MPO: variants seen among roughly 807,000 people sequenced by gnomAD.
MPO encodes myeloperoxidase.
A neutral mutation model predicts 69.4 loss-of-function variants in MPO; 57 were observed. The observed-to-expected ratio is 0.82, with a 90% CI of 0.66 to 1.02. The LOEUF (loss-of-function observed/expected upper bound fraction) is 1.02, where lower values mean the gene tolerates loss of function less well. Ranked by LOEUF, MPO falls within the 50% of genes least tolerant of loss-of-function variation. The pLI is 0.00. For missense variants in MPO, 971 were observed against 1,014.1 expected (o/e 0.96, Z 0.58); for synonymous variants, 426 against 417.1 (o/e 1.02, Z -0.26).
At chr17:58,274,018 C>T (rs143405620) in intron 8 of MPO, among the ~76,000 whole-genome samples, 1 of 152,284 alleles carries the variant, frequency 6.6e-6, no homozygotes, top group Non-Finnish European at 1.5e-5. Context: ...CTTCCTTGTC[C>T]TCAAGTTATT....
At chr17:58,271,017 T>C (rs546441668) in intron 11 of MPO, among the ~76,000 whole-genome samples, 154 bp from the exon 12 acceptor site, 2 of 152,234 alleles carry the variant, frequency 1.3e-5, no homozygotes, top group Non-Finnish European at 1.5e-5. Flanking sequence ...GCCCAGGGGC[T>C]TTCACACAAG....
chr17:58,274,201 T>C (rs1380742792), intron 8 of MPO: 1 of 499,184 alleles, frequency 2.0e-6, no homozygotes, highest in Non-Finnish European at 4.0e-6. Context: ...TGATTTTCCC[T>C]GTGAAAAGTG....
At chr17:58,271,946 G>A in intron 10 of MPO, 54 bp from the exon 11 acceptor site, 1 of 1,578,976 alleles carries the variant, frequency 6.3e-7, no homozygotes, top group Non-Finnish European at 8.7e-7. Context: ...CTTCAAGGTG[G>A]GGAGGTCACT....
At chr17:58,272,974 G>A in intron 9 of MPO, 56 bp from the exon 10 acceptor site, 1 of 1,602,556 alleles carries the variant, frequency 6.2e-7, no homozygotes, top group Non-Finnish European at 8.5e-7. Context: ...TCAGAGCTCA[G>A]ATTGGAGTCA....
chr17:58,275,535 G>C lies in MPO; in HGVS notation c.1365+7C>G, dbSNP rs182011210. 7.5e-4 allele frequency: 1,217 copies of C among 1,614,100 alleles called. 12 individuals carry two copies. The Admixed American group carries it at 0.019, about 25-fold the overall frequency. ...ATCCCGTGTGCCCGGTGTTCAAGAC[G>C]GCCTACCTGGACCATGGCCCCCACG... On this transcript the variant is annotated splice_region_variant and intron_variant, in intron 8 of 11. Transcript: ENST00000225275. This position sits in a 1 kb window ranked among gnomAD's most constrained non-coding sequence, Gnocchi z 4.1.
At chr17:58,272,616 T>C in intron 10 of MPO, 132 bp downstream of exon 10, 1 of 1,084,220 alleles carries the variant, frequency 9.2e-7, no homozygotes, top group Non-Finnish European at 1.3e-6. Flanking sequence ...CTCAGGCTAC[T>C]TCCTGAGAGC....
intron 11 of MPO, among the ~76,000 whole-genome samples, chr17:58,271,117 G>A (rs1970360319): frequency 6.6e-6 from 1 of 152,164 alleles, no homozygotes; most frequent in African/African-American, 2.4e-5. Flanking sequence ...GCACCATGCT[G>A]GAGGGGGACC....
Position 58,280,358 on chromosome 17 carries a change from T to C in MPO, c.248+8A>G. The C allele has an allele frequency of 6.2e-7, 1 of 1,613,596 alleles. No individual in the cohort carries two copies. The highest frequency in any genetic ancestry group is 8.5e-7 in the Non-Finnish European group (1 of 1,179,704). ...TTGCCCAGAGCTGGGCAGTGCCTCG[T>C]GCCCCACCTTTCCCGCCGCTCCTTG... On this transcript the variant is annotated splice_region_variant and intron_variant, in intron 2 of 11. Coordinates refer to ENST00000225275, the MANE Select transcript of MPO (RefSeq NM_000250.2).
intron 8 of MPO, chr17:58,274,145 T>C (rs1236503545): frequency 4.1e-6 from 2 of 490,022 alleles, no homozygotes; most frequent in Non-Finnish European, 8.2e-6. Context: ...CAGTTTAGGT[T>C]TGTGGAAAGC....
At position 58,271,820 on chromosome 17, in the gene MPO, C is replaced by T. The variant is rs1034828286; in HGVS notation, c.1865G>A (p.Arg622Lys). The part of the protein sequence containing the change: ...ETVGQLGTVL[R>K]NLKLARKLME... ...CAGTTTCCTCGCCAATTTCAGGTTC[C>T]TCAGCACCGTGCCCAGCTGGCCCAC... The change falls in exon 11 of 12, where the codon AGG becomes AAG. Residue 622 changes from arginine to lysine, a missense_variant. Coordinates refer to ENST00000225275, the MANE Select transcript of MPO (RefSeq NM_000250.2). 2 of 1,614,208 alleles carry T rather than the reference C, an allele frequency of 1.2e-6. No individual in the cohort carries two copies. The highest frequency in any genetic ancestry group is 1.7e-6 in the Non-Finnish European group (2 of 1,180,048).
intron 7 of MPO, among the ~76,000 whole-genome samples, chr17:58,277,300 A>G (rs566962659): frequency 6.6e-6 from 1 of 152,222 alleles, no homozygotes; most frequent in Admixed American, 6.5e-5. Context: ...AATATTTTAC[A>G]TCTGTGCCAC....
chr17:58,273,120 A>G (rs1266762265), intron 9 of MPO, among the ~76,000 whole-genome samples: 1 of 152,128 alleles, frequency 6.6e-6, no homozygotes, highest in African/African-American at 2.4e-5. Flanking sequence ...AGGTCTCAGG[A>G]GATTATGCCA....
At chr17:58,272,666 A>G in intron 10 of MPO, 82 bp downstream of exon 10, 3 of 1,509,272 alleles carry the variant, frequency 2.0e-6, no homozygotes, top group Non-Finnish European at 2.7e-6. Flanking sequence ...CAGGGACCCT[A>G]GAGTGGGAAG....
rs756405899 is a variant in MPO, at chr17:58,279,475, G to T, written c.548+48C>A. Reference sequence around the variant, plus strand: ...ACACCGGGAGGCTTGTGGCGTCCGGGACGCCTCTCTGAGCCCGGTTCCTGC... The same window carrying T: ...ACACCGGGAGGCTTGTGGCGTCCGGTACGCCTCTCTGAGCCCGGTTCCTGC... On this transcript the variant is annotated intron_variant, in intron 4 of 11. Transcript: ENST00000225275. The T allele has an allele frequency of 9.3e-6, 15 of 1,612,410 alleles. No individual in the cohort carries two copies. In the South Asian group the frequency reaches 1.6e-4, roughly 18 times the overall value.
rs765375548 is a variant in MPO, at chr17:58,278,071, G to A, written c.960C>T (p.Pro320=). 3.7e-6 allele frequency: 6 copies of A among 1,611,684 alleles called. No homozygotes were observed. Among genetic ancestry groups the A allele is most frequent in the Middle Eastern group, 3.3e-4 (2 of 6,062 alleles). The stretch of plus-strand genomic sequence containing the variant: ...GGTTGCGGATGGTGATGTTGCTCCC[G>A]GGGCAAGCCGGGCAGGAGCGGAAGA... ...IPFFRSCPAC[P]GSNITIRNQI... The change falls in exon 7 of 12, where the codon CCC becomes CCT. Residue 320 remains proline (P), a synonymous_variant. Coordinates refer to ENST00000225275, the MANE Select transcript of MPO (RefSeq NM_000250.2).
chr17:58,272,673 G>A (rs1970381541), intron 10 of MPO, 75 bp downstream of exon 10: 1 of 1,539,124 alleles, frequency 6.5e-7, no homozygotes. Flanking sequence ...CCTAGAGTGG[G>A]AAGGGGGGTG....
chr17:58,274,303 A>G (rs1970407082), intron 8 of MPO: 13 of 453,662 alleles, frequency 2.9e-5, no homozygotes, highest in Non-Finnish European at 5.8e-5. Flanking sequence ...TGCAAATCAA[A>G]AACTCACCCT....
Position 58,270,964 on chromosome 17 carries a change from A to C in MPO, c.2031-101T>G. On this transcript the variant is annotated intron_variant, in intron 11 of 11. Transcript: ENST00000225275. The surrounding 1 kb of genome is among the most constrained non-coding windows in gnomAD (Gnocchi z 4.1). ...TCCCAGGATATAACAAAGCCACAACAAATGCCACCTGGAAGCACAGGAGGG... is the reference window on the plus strand; with the variant it reads ...TCCCAGGATATAACAAAGCCACAACCAATGCCACCTGGAAGCACAGGAGGG... 1.5e-6 allele frequency: 2 copies of C among 1,344,064 alleles called. No individual in the cohort carries two copies. Among genetic ancestry groups the C allele is most frequent in the Non-Finnish European group, 2.1e-6 (2 of 949,148 alleles). 83.3% of individuals were successfully genotyped at this position (1,344,064 alleles called of 1,614,324 possible).
chr17:58,276,086 C>T (rs1037079324), intron 7 of MPO, among the ~76,000 whole-genome samples: 4 of 152,202 alleles, frequency 2.6e-5, no homozygotes, highest in African/African-American at 4.8e-5. Flanking sequence ...AACAGAGTGC[C>T]TGGTACAAAG....
Sources: allele counts gnomAD v4.1 joint callset (sites outside exome capture counted in the v4.1 genomes callset), GRCh38; gene constraint gnomAD v4.1.1; non-coding constraint Gnocchi (gnomAD v3.1); transcripts MANE v1.5; gene names NCBI Gene and HGNC (gene_info 2026-07-23, HGNC 2026-07-21).